The following MYO1B variants were observed in gnomAD, a reference collection of about 807,000 sequenced individuals.
The protein encoded by MYO1B is myosin IB.
Under a neutral mutation model 159.7 loss-of-function variants are expected in MYO1B, and 72 were observed. That is an observed-to-expected ratio of 0.45 (90% confidence interval 0.37 to 0.55). The LOEUF is 0.55. MYO1B is among the 20% of genes least tolerant of loss of function. MYO1B has a pLI of 0.00. For missense variants in MYO1B, 1,062 were observed against 1,364.8 expected (o/e 0.78, Z 3.50); for synonymous variants, 468 against 473.8 (o/e 0.99, Z 0.16).
chr2:191,393,893 GT>G (rs1365115856), intron 20 of MYO1B, among the ~76,000 whole-genome samples: 9 of 152,148 alleles, frequency 5.9e-5, no homozygotes, highest in Non-Finnish European at 1.2e-4. Flanking sequence ...TTGCCTCAGG[GT>G]TAATTGAAAC....
At chr2:191,348,265 C>T (rs1287721305) in intron 6 of MYO1B, among the ~76,000 whole-genome samples, 1 of 152,066 alleles carries the variant, frequency 6.6e-6, no homozygotes, top group East Asian at 1.9e-4. Flanking sequence ...TATTTTTTTA[C>T]TCTCAGCTCA....
chr2:191,411,336 A>C (rs1697237089), intron 27 of MYO1B, among the ~76,000 whole-genome samples, 164 bp downstream of exon 27: 1 of 152,204 alleles, frequency 6.6e-6, no homozygotes, highest in Non-Finnish European at 1.5e-5. Flanking sequence ...TATTTGAGCT[A>C]TGGCTTCTAT....
chr2:191,320,569 T>G (rs1372353999), intron 3 of MYO1B, among the ~76,000 whole-genome samples: 2 of 152,108 alleles, frequency 1.3e-5, no homozygotes, highest in Non-Finnish European at 2.9e-5. Flanking sequence ...CTCATTAATA[T>G]TGGTAGATTT....
At chr2:191,401,694 A>G (rs1449002668) in intron 23 of MYO1B, 1 of 152,230 alleles carries the variant, frequency 6.6e-6, no homozygotes, top group Non-Finnish European at 1.5e-5. Flanking sequence ...AAAAGTCAAC[A>G]TCTGCCTGCA....
At chr2:191,417,169 AC>A (rs1697629571) in intron 30 of MYO1B, among the ~76,000 whole-genome samples, 5 of 152,144 alleles carry the variant, frequency 3.3e-5, no homozygotes, top group Admixed American at 3.3e-4. Context: ...ATAAATTTAC[AC>A]CCATTTCTGC....
chr2:191,347,854 G>A (rs1692666648), intron 6 of MYO1B, among the ~76,000 whole-genome samples: 1 of 152,308 alleles, frequency 6.6e-6, no homozygotes, highest in South Asian at 2.1e-4. Flanking sequence ...CGGGGAAATT[G>A]CAATGTCTTC....
intron 29 of MYO1B, among the ~76,000 whole-genome samples, chr2:191,415,662 G>A (rs1697518346): frequency 2.0e-5 from 3 of 151,580 alleles, no homozygotes; most frequent in South Asian, 2.1e-4. Flanking sequence ...GAGAGCCACT[G>A]CCCTAGGATA....
chr2:191,323,096 G>GTA (rs1338162247), intron 3 of MYO1B, among the ~76,000 whole-genome samples: 1 of 152,304 alleles, frequency 6.6e-6, no homozygotes, highest in Non-Finnish European at 1.5e-5. Flanking sequence ...CATAGCATTT[G>GTA]TAGATTGTCA....
chr2:191,415,422 C>T (rs1158154619), intron 29 of MYO1B, among the ~76,000 whole-genome samples: 1 of 152,166 alleles, frequency 6.6e-6, no homozygotes, highest in Non-Finnish European at 1.5e-5. Context: ...GTTTACCCTA[C>T]TTTGGATCTT....
intron 1 of MYO1B, among the ~76,000 whole-genome samples, chr2:191,247,241 G>C (rs1310315980): frequency 6.6e-6 from 1 of 152,212 alleles, no homozygotes; most frequent in Non-Finnish European, 1.5e-5. Context: ...GCTGCAGACA[G>C]GGCTGGGAAG....
At chr2:191,356,030 T>C (rs1443586962) in intron 7 of MYO1B, among the ~76,000 whole-genome samples, 2 of 152,208 alleles carry the variant, frequency 1.3e-5, no homozygotes, top group Admixed American at 6.5e-5. Context: ...TTTTACTCTT[T>C]TAAATTGTTT....
At chr2:191,406,552 A>G (rs1008474160) in intron 24 of MYO1B, among the ~76,000 whole-genome samples, 1 of 152,214 alleles carries the variant, frequency 6.6e-6, no homozygotes, top group African/African-American at 2.4e-5. Context: ...TAATTTCTAT[A>G]TTGCTCTGTC....
intron 3 of MYO1B, among the ~76,000 whole-genome samples, chr2:191,304,739 A>T (rs1004962635): frequency 6.6e-6 from 1 of 152,242 alleles, no homozygotes. Flanking sequence ...TTGTTATGAT[A>T]TAAGAATACA....
intron 3 of MYO1B, among the ~76,000 whole-genome samples, chr2:191,304,099 C>T (rs1395113669): frequency 6.6e-6 from 1 of 152,114 alleles, no homozygotes; most frequent in Non-Finnish European, 1.5e-5. Flanking sequence ...GTGCAATGTC[C>T]ATGTGGTGGT....
chr2:191,274,997 T>C (rs1383313330), intron 1 of MYO1B, among the ~76,000 whole-genome samples: 1 of 152,156 alleles, frequency 6.6e-6, no homozygotes, highest in Non-Finnish European at 1.5e-5. Flanking sequence ...AAGCTCTGCC[T>C]CCCAGGTTCA....
At chr2:191,370,103 CTAAAT>C (rs1267491140) in intron 12 of MYO1B, 119 bp from the exon 13 acceptor site, 1 of 665,084 alleles carries the variant, frequency 1.5e-6, no homozygotes, top group African/African-American at 1.8e-5. Flanking sequence ...TAAAAAACAA[CTAAAT>C]TAGTTATTTT....
intron 24 of MYO1B, among the ~76,000 whole-genome samples, chr2:191,404,857 G>A (rs1696817340): frequency 1.3e-5 from 2 of 152,172 alleles, no homozygotes; most frequent in African/African-American, 4.8e-5. Context: ...GAGAGTCTTG[G>A]CTTATCTTGA....
At chr2:191,406,021 G>C (rs535490321) in intron 24 of MYO1B, among the ~76,000 whole-genome samples, 2 of 152,330 alleles carry the variant, frequency 1.3e-5, no homozygotes, top group Admixed American at 1.3e-4. Flanking sequence ...TTGGAAATCT[G>C]TTGTCGAGTG....
intron 2 of MYO1B, among the ~76,000 whole-genome samples, chr2:191,295,852 C>A (rs1688951754): frequency 6.6e-6 from 1 of 151,928 alleles, no homozygotes; most frequent in African/African-American, 2.4e-5. Context: ...TTACCGAGAA[C>A]CGTAAATTAG....
Sources: allele counts gnomAD v4.1 joint callset (sites outside exome capture counted in the v4.1 genomes callset), GRCh38; gene constraint gnomAD v4.1.1; transcripts MANE v1.5; gene names NCBI Gene and HGNC (gene_info 2026-07-23, HGNC 2026-07-21).